Variants in HIKESHI observed in about 807,000 individuals in gnomAD.
HIKESHI encodes the protein protein Hikeshi.
A neutral mutation model predicts 25.7 loss-of-function variants in HIKESHI; 13 were observed. The ratio of observed to expected loss-of-function variants is 0.51; its 90% CI spans 0.33 to 0.80. HIKESHI has a LOEUF of 0.80. Ranked by LOEUF, HIKESHI falls within the 30% of genes least tolerant of loss-of-function variation. The pLI is 0.02. For synonymous variants in HIKESHI, 76 were observed against 78.7 expected, an observed-to-expected ratio of 0.97 and a Z score of 0.18; for missense variants, 174 against 229.5, an observed-to-expected ratio of 0.76 and a Z score of 1.56.
intron 3 of HIKESHI, among the ~76,000 whole-genome samples, chr11:86,340,199 C>T (rs149678006): frequency 0.033 from 4,957 of 152,152 alleles, 261 homozygotes; most frequent in African/African-American, 0.11. Context: ...TGAATAGTGC[C>T]GCAGTAAACA....
intron 2 of HIKESHI, among the ~76,000 whole-genome samples, chr11:86,321,339 T>A (rs569900163): frequency 4.3e-4 from 66 of 152,312 alleles, no homozygotes; most frequent in African/African-American, 1.4e-3. Context: ...TGATGGACAT[T>A]TGGGTTGTTA....
chr11:86,333,124 A>G (rs558502370), intron 2 of HIKESHI, among the ~76,000 whole-genome samples: 2 of 152,366 alleles, frequency 1.3e-5, no homozygotes, highest in African/African-American at 2.4e-5. Context: ...ACTGATGACG[A>G]TGGTAAAGTG....
At chr11:86,321,782 A>T (rs1255937989) in intron 2 of HIKESHI, among the ~76,000 whole-genome samples, 1 of 152,088 alleles carries the variant, frequency 6.6e-6, no homozygotes, top group Non-Finnish European at 1.5e-5. Context: ...TGCCTGCCTC[A>T]GCCTCCCAAA....
At chr11:86,334,803 C>T (rs977929192) in intron 2 of HIKESHI, among the ~76,000 whole-genome samples, 1 of 152,140 alleles carries the variant, frequency 6.6e-6, no homozygotes, top group African/African-American at 2.4e-5. Context: ...CATGCACCAC[C>T]TCGCCTGGCT....
intron 3 of HIKESHI, among the ~76,000 whole-genome samples, chr11:86,342,184 T>G (rs1947748727): frequency 6.6e-6 from 1 of 152,208 alleles, no homozygotes; most frequent in African/African-American, 2.4e-5. Context: ...TTTATATATT[T>G]TGTCCAATTT....
chr11:86,334,252 G>T (rs1424079487), intron 2 of HIKESHI, among the ~76,000 whole-genome samples: 1 of 119,692 alleles, frequency 8.4e-6, no homozygotes, highest in African/African-American at 3.3e-5. Context: ...GTGTGTGTGT[G>T]TGTGTGTGTG....
intron 2 of HIKESHI, among the ~76,000 whole-genome samples, chr11:86,312,930 GT>G (rs1278490736): frequency 6.6e-6 from 1 of 152,214 alleles, no homozygotes; most frequent in Non-Finnish European, 1.5e-5. Flanking sequence ...GAGGTCCACT[GT>G]TAGTGAGATG....
intron 2 of HIKESHI, among the ~76,000 whole-genome samples, chr11:86,320,635 G>C (rs1947122753): frequency 6.6e-6 from 1 of 152,172 alleles, no homozygotes; most frequent in South Asian, 2.1e-4. Flanking sequence ...CTTTATTGAT[G>C]TATAATTGAC....
chr11:86,314,490 C>T (rs1160551876), intron 2 of HIKESHI, among the ~76,000 whole-genome samples: 1 of 152,134 alleles, frequency 6.6e-6, no homozygotes, highest in Non-Finnish European at 1.5e-5. Context: ...TGGCATGTGC[C>T]TGTAGTCCCA....
intron 2 of HIKESHI, among the ~76,000 whole-genome samples, chr11:86,315,388 T>C (rs1004196219): frequency 1.3e-5 from 2 of 151,888 alleles, no homozygotes; most frequent in African/African-American, 4.8e-5. Flanking sequence ...TGGCACAATC[T>C]CAGCTCACCA....
chr11:86,303,270 G>C, intron 1 of HIKESHI: 2 of 312,014 alleles, frequency 6.4e-6, no homozygotes, highest in Non-Finnish European at 9.3e-6. Context: ...TTTTCTCCTG[G>C]CTTTTTAAAA....
chr11:86,316,726 C>T (rs1946989716), intron 2 of HIKESHI, among the ~76,000 whole-genome samples: 1 of 129,204 alleles, frequency 7.7e-6, no homozygotes, highest in African/African-American at 3.0e-5. Context: ...AGGCAGCAAA[C>T]AAAATAATTA....
intron 2 of HIKESHI, among the ~76,000 whole-genome samples, chr11:86,314,317 T>C (rs1032218763): frequency 5.3e-5 from 8 of 152,098 alleles, no homozygotes; most frequent in Non-Finnish European, 1.2e-4. Flanking sequence ...GTTGGTATTC[T>C]ACAAGGAGAA....
intron 2 of HIKESHI, among the ~76,000 whole-genome samples, chr11:86,317,193 A>G (rs79931793): frequency 0.088 from 13,413 of 152,150 alleles, 909 homozygotes; most frequent in African/African-American, 0.18. Context: ...AAGTATTATC[A>G]AGGATAAAGA....
In HIKESHI at chr11:86,314,757, G is replaced by A. The variant is rs140654395; in HGVS notation, c.268+8275G>A. Among the ~76,000 whole-genome samples, 339 of 152,270 alleles carry A rather than the reference G, an allele frequency of 2.2e-3. 2 individuals are homozygous for A. The highest frequency in any genetic ancestry group is 7.7e-3 in the African/African-American group (321 of 41,532). On this transcript the variant is annotated intron_variant, in intron 2 of 4. Coordinates refer to ENST00000278483, the MANE Select transcript of HIKESHI (RefSeq NM_016401.4). ...GTCCCTATAGTCCTTCTCAGTGGGG[G>A]TTTCATGAGATCATTATCATAAATC...
chr11:86,311,288 G>T (rs1220197331), intron 2 of HIKESHI, among the ~76,000 whole-genome samples: 1 of 152,116 alleles, frequency 6.6e-6, no homozygotes, highest in African/African-American at 2.4e-5. Flanking sequence ...TTTAGTCTTG[G>T]GAGGGTGTAT....
At chr11:86,326,726 G>T in intron 2 of HIKESHI, 1 of 341,512 alleles carries the variant, frequency 2.9e-6, no homozygotes, top group Non-Finnish European at 5.8e-6. Flanking sequence ...ACACTTGGAG[G>T]TGATTAAAGT....
chr11:86,335,488 C>T (rs958288088), intron 2 of HIKESHI, among the ~76,000 whole-genome samples: 4 of 152,198 alleles, frequency 2.6e-5, no homozygotes, highest in East Asian at 3.9e-4. Flanking sequence ...AGGAAAGACC[C>T]GCGAAGACCC....
chr11:86,329,864 C>T (rs1947377302), intron 2 of HIKESHI, among the ~76,000 whole-genome samples: 1 of 151,920 alleles, frequency 6.6e-6, no homozygotes, highest in South Asian at 2.1e-4. Flanking sequence ...ACATAAATTT[C>T]CTTTATAACA....
Sources: gnomAD v4.1 joint callset for allele counts (sites outside exome capture counted in the v4.1 genomes callset) on GRCh38, gnomAD v4.1.1 for gene constraint, MANE v1.5 for transcripts, NCBI Gene and HGNC (gene_info 2026-07-23, HGNC 2026-07-21) for gene names.